The following CFAP97 variants were observed in gnomAD, a reference collection of about 807,000 sequenced individuals.
CFAP97 encodes the protein cilia and flagella associated protein 97, also known as cilia- and flagella-associated protein 97.
In CFAP97, 36 loss-of-function variants were observed where a neutral mutation model predicts 43.1. The observed-to-expected ratio is 0.84, with a 90% CI of 0.64 to 1.10. The LOEUF (loss-of-function observed/expected upper bound fraction) is 1.10. Ranked by LOEUF, CFAP97 falls within the 50% of genes least tolerant of loss-of-function variation. The pLI is 0.00. For synonymous variants in CFAP97, 228 were observed against 225.7 expected, an observed-to-expected ratio of 1.01 and a Z score of -0.09; for missense variants, 657 against 620.3, an observed-to-expected ratio of 1.06 and a Z score of -0.63.
At chr4:185,170,078 T>C in intron 3 of CFAP97, 1 of 1,205,544 alleles carries the variant, frequency 8.3e-7, no homozygotes, top group Non-Finnish European at 1.0e-6. Context: ...CCAGGCACAG[T>C]GGCTCACACC....
rs60986571 is a variant in CFAP97, at chr4:185,197,102, TA to T, written c.-16-5891del. ...CAATAGAGCGAGACTCCCTCTTAAT[TA>T]AAAAAAAAAAAAAAAAAAAAGACAT... On this transcript the variant is annotated intron_variant, in intron 1 of 4. Transcript: ENST00000458385. 7.3e-3 allele frequency among the ~76,000 whole-genome samples: 631 copies of T among 86,762 alleles called. 4 individuals carry two copies. The highest frequency in any genetic ancestry group is 0.026 in the African/African-American group (537 of 20,806). The allele number at this position is 86,762 out of a possible 152,430, so 56.9% of individuals were successfully genotyped here.
At position 185,203,899 on chromosome 4, in the gene CFAP97, TGA is replaced by T. The variant is rs983148531; in HGVS notation, c.-20_-19del. ...AGGAGCCGCTCGCGCGCCCCTCACC[TGA>T]GAGCCGCGGCCACCACAGCCCCACG... On this transcript the variant is annotated splice_region_variant and 5_prime_UTR_variant, in exon 1 of 5. Coordinates refer to ENST00000458385, the MANE Select transcript of CFAP97 (RefSeq NM_020827.3). 1.3e-5 allele frequency: 2 copies of T among 151,526 alleles called. No homozygotes were observed. Among genetic ancestry groups the T allele is most frequent in the Non-Finnish European group, 2.9e-5 (2 of 67,874 alleles). The allele number at this position is 151,526 out of a possible 1,614,324, so 9.4% of individuals were successfully genotyped here. A position where few individuals can be genotyped will look rare whatever the true frequency, so the allele number is the denominator to read the frequency against.
chr4:185,174,718 T>C (rs1018732079), intron 3 of CFAP97, among the ~76,000 whole-genome samples: 16 of 152,240 alleles, frequency 1.1e-4, no homozygotes, highest in Non-Finnish European at 1.5e-5. Context: ...CTGTGCTAAA[T>C]ATTTAACCTG....
chr4:185,182,415 A>G (rs1336542858), intron 2 of CFAP97: 2 of 152,204 alleles, frequency 1.3e-5, no homozygotes, highest in Non-Finnish European at 2.9e-5. Flanking sequence ...TTGAGCTAAA[A>G]GAGGTTGAAT....
At chr4:185,175,360 G>A (rs368477682) in intron 3 of CFAP97, among the ~76,000 whole-genome samples, 29 of 151,972 alleles carry the variant, frequency 1.9e-4, no homozygotes, top group East Asian at 1.4e-3. Flanking sequence ...TCCGCCTCCC[G>A]GGTTCAGATG....
Position 185,190,909 on chromosome 4 carries a change from G to A in CFAP97, c.288C>T (p.Ala96=). The A allele has an allele frequency of 1.9e-6, 3 of 1,613,560 alleles. No homozygotes were observed. Among genetic ancestry groups the A allele is most frequent in the East Asian group, 2.2e-5 (1 of 44,874 alleles). ...TQTVSSFSLP[A]SSRSKKLCDV... Reference sequence around the variant, plus strand: ...CACACAATTTTTTTGATCTTGAAGAGGCTGGCAATGAGAAAGAACTTACAG... The same window carrying A: ...CACACAATTTTTTTGATCTTGAAGAAGCTGGCAATGAGAAAGAACTTACAG... The change falls in exon 2 of 5, where the codon GCC becomes GCT. Residue 96 remains alanine (A), a synonymous_variant. Coordinates refer to ENST00000458385, the MANE Select transcript of CFAP97 (RefSeq NM_020827.3).
At chr4:185,162,982 C>A in intron 4 of CFAP97, 57 bp from the exon 5 acceptor site, 1 of 1,447,786 alleles carries the variant, frequency 6.9e-7, no homozygotes, top group South Asian at 1.5e-5. Flanking sequence ...GAAGTCCAGA[C>A]TAGTTTTTCT....
At chr4:185,182,345 A>T (rs1176286700) in intron 2 of CFAP97, 1 of 152,008 alleles carries the variant, frequency 6.6e-6, no homozygotes, top group African/African-American at 2.4e-5. Flanking sequence ...CCATTTTTTG[A>T]CATTTACATA....
At chr4:185,187,406 A>G (rs1736046528) in intron 2 of CFAP97, among the ~76,000 whole-genome samples, 1 of 152,200 alleles carries the variant, frequency 6.6e-6, no homozygotes, top group African/African-American at 2.4e-5. Context: ...ACACACAAGC[A>G]AACTAACTAA....
At position 185,164,105 on chromosome 4, in the gene CFAP97, A is replaced by G. The variant is rs1272484698; in HGVS notation, c.1395T>C (p.His465=). Residue 465 remains histidine, a synonymous_variant, in exon 4 of 5, where the codon CAT becomes CAC. Coordinates refer to ENST00000458385, the MANE Select transcript of CFAP97 (RefSeq NM_020827.3). ...ATGAGTTGAGATAGCCCATATTGCG[A>G]TGATAGTCCATCAGTTGTTCTGAAC... ...MKRSEQLMDY[H]RNMGYLNSSP... The G allele has an allele frequency of 1.9e-6, 3 of 1,613,998 alleles. No individual in the cohort carries two copies. Among genetic ancestry groups the G allele is most frequent in the Non-Finnish European group, 2.5e-6 (3 of 1,179,880 alleles).
At chr4:185,174,766 A>G (rs977216260) in intron 3 of CFAP97, among the ~76,000 whole-genome samples, 4 of 152,204 alleles carry the variant, frequency 2.6e-5, no homozygotes, top group African/African-American at 7.2e-5. Context: ...ATGTGGATAA[A>G]AATAGTTATC....
chr4:185,186,823 A>C (rs1395053296), intron 2 of CFAP97, among the ~76,000 whole-genome samples: 1 of 152,246 alleles, frequency 6.6e-6, no homozygotes, highest in Non-Finnish European at 1.5e-5. Flanking sequence ...AACCTATATA[A>C]ACAAAAGCTC....
chr4:185,169,523 A>G, intron 3 of CFAP97: 1 of 755,466 alleles, frequency 1.3e-6, no homozygotes, highest in Non-Finnish European at 1.6e-6. Context: ...TAAATTACCC[A>G]GTCTCAGGTA....
intron 3 of CFAP97, among the ~76,000 whole-genome samples, chr4:185,165,118 T>C (rs1735015611): frequency 6.6e-6 from 1 of 152,142 alleles, no homozygotes. Flanking sequence ...TGTTAAGAAG[T>C]CTGAAAACCA....
intron 3 of CFAP97, among the ~76,000 whole-genome samples, chr4:185,164,733 C>T (rs1579225811): frequency 6.6e-6 from 1 of 152,168 alleles, no homozygotes; most frequent in African/African-American, 2.4e-5. Flanking sequence ...TGCTAGAGGC[C>T]TAATTCTTTT....
chr4:185,169,050 A>G (rs1735180780), intron 3 of CFAP97: 1 of 152,216 alleles, frequency 6.6e-6, no homozygotes, highest in African/African-American at 2.4e-5. Flanking sequence ...TACCATTTTT[A>G]TTTATGTGTG....
chr4:185,166,251 A>G (rs927539386), intron 3 of CFAP97, among the ~76,000 whole-genome samples: 5 of 152,154 alleles, frequency 3.3e-5, no homozygotes, highest in Non-Finnish European at 7.3e-5. Flanking sequence ...ACAGAGAAGC[A>G]GTGTGATGTA....
At chr4:185,196,059 G>A (rs374841148) in intron 1 of CFAP97, among the ~76,000 whole-genome samples, 25 of 152,214 alleles carry the variant, frequency 1.6e-4, no homozygotes, top group East Asian at 1.5e-3. Context: ...AAAGTAAACG[G>A]TTTAATAGCA....
At chr4:185,178,644 TCAC>T (rs1411551368) in intron 2 of CFAP97, among the ~76,000 whole-genome samples, 3 of 152,064 alleles carry the variant, frequency 2.0e-5, no homozygotes, top group Non-Finnish European at 4.4e-5. Context: ...TGCTAACACA[TCAC>T]CACAAGACTT....
Sources: allele counts gnomAD v4.1 joint callset (sites outside exome capture counted in the v4.1 genomes callset), GRCh38; gene constraint gnomAD v4.1.1; transcripts MANE v1.5; gene names NCBI Gene and HGNC (gene_info 2026-07-23, HGNC 2026-07-21).